Variants in PLEKHM2 observed in about 807,000 individuals in gnomAD.
The protein encoded by PLEKHM2 is pleckstrin homology and RUN domain containing M2.
Under a neutral mutation model 116.3 loss-of-function variants are expected in PLEKHM2, and 77 were observed. The ratio of observed to expected loss-of-function variants is 0.66; its 90% CI spans 0.55 to 0.80. The LOEUF (loss-of-function observed/expected upper bound fraction) is 0.80, where lower values mean the gene tolerates loss of function less well. Among genes scored for constraint, PLEKHM2 ranks in the 30% least tolerant of loss-of-function variants. PLEKHM2 has a pLI of 0.00. For missense variants in PLEKHM2, 1,183 were observed against 1,354.9 expected (o/e 0.87, Z 1.99); for synonymous variants, 562 against 571.0 (o/e 0.98, Z 0.22).
chr1:15,730,761 C>G, intron 15 of PLEKHM2, 39 bp downstream of exon 15: 4 of 1,515,150 alleles, frequency 2.6e-6, no homozygotes, highest in Non-Finnish European at 3.6e-6. Flanking sequence ...GGCTTGGGCC[C>G]TGGGGTGGCT....
chr1:15,703,359 C>G (rs1641157227), intron 1 of PLEKHM2, among the ~76,000 whole-genome samples: 1 of 146,272 alleles, frequency 6.8e-6, no homozygotes, highest in African/African-American at 2.6e-5. Flanking sequence ...GTTGTTGGAG[C>G]AGGCGTTTTT....
Position 15,732,623 on chromosome 1 carries a change from G to A in PLEKHM2, c.2817G>A (p.Gln939=). 6.2e-7 allele frequency: 1 copy of A among 1,603,124 alleles called. No homozygotes were observed. Among genetic ancestry groups the A allele is most frequent in the Non-Finnish European group, 8.5e-7 (1 of 1,175,114 alleles). Residue 939 remains glutamine, a synonymous_variant, in exon 19 of 20, where the codon CAG becomes CAA. Transcript: ENST00000375799. ...GKEYCVLEFS[Q]DSQQLLPPWV... ...CTGGCTCTCCCTAGGAGTTCTCCCA[G>A]GACAGCCAGCAGCTCCTCCCGCCCT...
At chr1:15,726,806 C>T (rs868793495) in intron 8 of PLEKHM2, among the ~76,000 whole-genome samples, 20 of 152,284 alleles carry the variant, frequency 1.3e-4, no homozygotes, top group Admixed American at 3.3e-4. Context: ...ACCCCCACCC[C>T]GCCCCTGCCA....
At chr1:15,710,070 A>G (rs1044921076) in intron 1 of PLEKHM2, among the ~76,000 whole-genome samples, 18 of 151,758 alleles carry the variant, frequency 1.2e-4, no homozygotes, top group Middle Eastern at 3.4e-3. Flanking sequence ...TAAAAAAAAT[A>G]CAAAAAATTA....
At chr1:15,733,561 TGA>T (rs1569573824) in intron 19 of PLEKHM2, among the ~76,000 whole-genome samples, 1 of 152,260 alleles carries the variant, frequency 6.6e-6, no homozygotes, top group East Asian at 1.9e-4. Context: ...TGGGCCATCC[TGA>T]GAGCTGGGGC....
Position 15,719,494 on chromosome 1 carries a change from G to A in PLEKHM2, c.466-240G>A, listed in dbSNP as rs1402572295. On this transcript the variant is annotated intron_variant, in intron 5 of 19. Coordinates refer to ENST00000375799, the MANE Select transcript of PLEKHM2 (RefSeq NM_015164.4). The surrounding 1 kb of genome is among the most constrained non-coding windows in gnomAD (Gnocchi z 4.1). The stretch of plus-strand genomic sequence containing the variant: ...ATAGAGAGAGAGAGAGATAGCGGGG[G>A]CATCAAAGGGTGTAGCTGAGTTCTG... Among the ~76,000 whole-genome samples, 1 of 152,074 alleles carries A rather than the reference G, an allele frequency of 6.6e-6. No homozygotes were observed. Among genetic ancestry groups the A allele is most frequent in the Non-Finnish European group, 1.5e-5 (1 of 68,006 alleles).
chr1:15,734,303 A>C lies in PLEKHM2; in HGVS notation c.*369A>C. The stretch of plus-strand genomic sequence containing the variant: ...CGAACAAAAGAACCAGGAGGGCGGG[A>C]CCCCCCTCTTCCTCTCCTGGGTTGG... On this transcript the variant is annotated 3_prime_UTR_variant, in exon 20 of 20. Coordinates refer to ENST00000375799, the MANE Select transcript of PLEKHM2 (RefSeq NM_015164.4). The C allele has an allele frequency of 2.5e-5, 5 of 203,332 alleles. No individual in the cohort carries two copies. The highest frequency in any genetic ancestry group is 6.0e-5 in the Admixed American group (1 of 16,760). 12.6% of individuals were successfully genotyped at this position (203,332 alleles called of 1,614,324 possible).
rs566100062 is a variant in PLEKHM2 at position 15,729,492 on chromosome 1, C to T, written c.2075+302C>T. Among the ~76,000 whole-genome samples the T allele has an allele frequency of 2.0e-5, 3 of 152,324 alleles. No homozygotes were observed. In the East Asian group the frequency reaches 5.8e-4, roughly 29 times the overall value. ...CTGGGCCAGGCGTGCCCTTGAACGC[C>T]TGCATCCTTGTCGTGGCTCAAGGTC... On this transcript the variant is annotated intron_variant, in intron 13 of 19. Transcript: ENST00000375799. The surrounding 1 kb of genome is among the most constrained non-coding windows in gnomAD (Gnocchi z 4.7).
At chr1:15,694,078 G>C (rs1298739042) in intron 1 of PLEKHM2, among the ~76,000 whole-genome samples, 1 of 152,194 alleles carries the variant, frequency 6.6e-6, no homozygotes, top group Non-Finnish European at 1.5e-5. Context: ...TCTTGGCCAG[G>C]TGTGGTGGCT....
chr1:15,715,477 A>C (rs923454381), intron 1 of PLEKHM2, among the ~76,000 whole-genome samples: 3 of 152,144 alleles, frequency 2.0e-5, no homozygotes, highest in Admixed American at 2.0e-4. Context: ...CCTCGTCTCT[A>C]CTAAAGATAA....
In PLEKHM2 at chr1:15,726,934, T is replaced by C; in HGVS notation, c.942-80T>C. 4 of 932,232 alleles carry C rather than the reference T, an allele frequency of 4.3e-6. No individual in the cohort carries two copies. The South Asian group carries it at 6.1e-5, about 14-fold the overall frequency. 57.7% of individuals were successfully genotyped at this position (932,232 alleles called of 1,614,324 possible). ...GCCCTCAGAGGCTACATGGCCAGCATTGCCACCGTGACCCAGCCTGGTTTT... is the reference window on the plus strand; with the variant it reads ...GCCCTCAGAGGCTACATGGCCAGCACTGCCACCGTGACCCAGCCTGGTTTT... On this transcript the variant is annotated intron_variant, in intron 8 of 19. Coordinates refer to ENST00000375799, the MANE Select transcript of PLEKHM2 (RefSeq NM_015164.4).
At chr1:15,688,122 C>T (rs1160397495) in intron 1 of PLEKHM2, among the ~76,000 whole-genome samples, 2 of 152,188 alleles carry the variant, frequency 1.3e-5, no homozygotes, top group African/African-American at 2.4e-5. Flanking sequence ...GAGGGCCCCT[C>T]GTTCCCCTCC....
rs749786811 is a variant in PLEKHM2, at chr1:15,719,810, G to A, written c.542G>A (p.Arg181His). 3 of 1,613,698 alleles carry A rather than the reference G, an allele frequency of 1.9e-6. No homozygotes were observed. The highest frequency in any genetic ancestry group is 2.5e-6 in the Non-Finnish European group (3 of 1,179,742). Residue 181 changes from arginine (R) to histidine (H), a missense_variant, in exon 6 of 20, where the codon CGC (arginine) becomes CAC (histidine). By Grantham distance (29) the Arg-to-His change is conservative (BLOSUM62 0). Coordinates refer to ENST00000375799, the MANE Select transcript of PLEKHM2 (RefSeq NM_015164.4). This position sits in a 1 kb window ranked among gnomAD's most constrained non-coding sequence, Gnocchi z 4.1. ...CAGTACCTGCTGGACTTTGAAGACC[G>A]CCTTCCCAGCTCGGTCCACGGCTCA... ...KPQYLLDFED[R>H]LPSSVHGSDS...
In PLEKHM2 at chr1:15,729,242, A is replaced by ACACC; in HGVS notation, c.2075+52_2075+53insCACC. 2.0e-6 allele frequency: 3 copies of ACACC among 1,496,680 alleles called. No individual in the cohort carries two copies. Among genetic ancestry groups the ACACC allele is most frequent in the Non-Finnish European group, 2.8e-6 (3 of 1,090,082 alleles). The allele number at this position is 1,496,680 out of a possible 1,614,324, so 92.7% of individuals were successfully genotyped here. A position where few individuals can be genotyped will look rare whatever the true frequency, so the allele number is the denominator to read the frequency against. On this transcript the variant is annotated intron_variant, in intron 13 of 19. Coordinates refer to ENST00000375799, the MANE Select transcript of PLEKHM2 (RefSeq NM_015164.4). This position sits in a 1 kb window ranked among gnomAD's most constrained non-coding sequence, Gnocchi z 4.7. ...AGGATTGGAGAGTTCGCAGCCGCCC[A>ACACC]TAGGTGTGGGTGGCCTGGGGGTCAG... is the stretch of plus-strand genomic sequence containing the variant.
intron 1 of PLEKHM2, among the ~76,000 whole-genome samples, chr1:15,695,960 G>C (rs957168371): frequency 6.9e-6 from 1 of 144,904 alleles, no homozygotes; most frequent in Non-Finnish European, 1.5e-5. Flanking sequence ...GCACCACCAC[G>C]TCCAACTAAT....
intron 4 of PLEKHM2, 78 bp downstream of exon 4, chr1:15,718,070 G>T (rs1641482573): frequency 2.2e-6 from 2 of 900,730 alleles, no homozygotes; most frequent in Non-Finnish European, 3.6e-6. Context: ...TTGTCATGCA[G>T]ACAGCACAGT....
rs1379276918 is a variant in PLEKHM2, at chr1:15,729,765, GCCTCTAACCACAA to G, written c.2076-31_2076-19del. The G allele has an allele frequency of 2.3e-5, 37 of 1,588,956 alleles. No homozygotes were observed. Among genetic ancestry groups the G allele is most frequent in the Non-Finnish European group, 3.2e-5 (37 of 1,168,976 alleles). ...TGTCCAGTTGAGGCCCTGTTCCCAG[GCCTCTAACCACAA>G]ACCTCACTCCCTATGCAGGTTCTTT... is the stretch of plus-strand genomic sequence containing the variant. On this transcript the variant is annotated intron_variant, in intron 13 of 19. Coordinates refer to ENST00000375799, the MANE Select transcript of PLEKHM2 (RefSeq NM_015164.4). The surrounding 1 kb of genome is among the most constrained non-coding windows in gnomAD (Gnocchi z 4.7).
At chr1:15,707,330 G>A (rs1172479824) in intron 1 of PLEKHM2, among the ~76,000 whole-genome samples, 3 of 152,048 alleles carry the variant, frequency 2.0e-5, no homozygotes, top group African/African-American at 7.2e-5. Context: ...CTATTTGGGA[G>A]GCTGAGCTGG....
chr1:15,684,755 G>T (rs1318392989), intron 1 of PLEKHM2, 137 bp downstream of exon 1: 1 of 345,348 alleles, frequency 2.9e-6, no homozygotes, highest in African/African-American at 2.2e-5. Context: ...GGGAGCCCCG[G>T]GCCGGTAGAG....
Sources: allele counts gnomAD v4.1 joint callset (sites outside exome capture counted in the v4.1 genomes callset), GRCh38; gene constraint gnomAD v4.1.1; non-coding constraint Gnocchi (gnomAD v3.1); transcripts MANE v1.5; gene names NCBI Gene and HGNC (gene_info 2026-07-23, HGNC 2026-07-21).